The following NAALADL2 variants were observed in gnomAD, a reference collection of about 807,000 sequenced individuals.
NAALADL2 encodes N-acetylated alpha-linked acidic dipeptidase like 2.
In NAALADL2, 76 loss-of-function variants were observed where a neutral mutation model predicts 87.2. The ratio of observed to expected loss-of-function variants is 0.87; its 90% confidence interval spans 0.72 to 1.05. The LOEUF (loss-of-function observed/expected upper bound fraction) is 1.05, where lower values mean the gene tolerates loss of function less well. Ranked by LOEUF, NAALADL2 falls within the 50% of genes least tolerant of loss-of-function variation. The pLI is 0.00. For missense variants in NAALADL2, 1,089 were observed against 945.8 expected (o/e 1.15, Z -1.99); for synonymous variants, 354 against 331.0 (o/e 1.07, Z -0.75).
intron 9 of NAALADL2, among the ~76,000 whole-genome samples, chr3:175,540,175 G>A (rs1395612383): frequency 6.6e-6 from 1 of 152,176 alleles, no homozygotes; most frequent in African/African-American, 2.4e-5. Context: ...GTGCTGTGAA[G>A]AAAAACAAAG....
intron 1 of NAALADL2, among the ~76,000 whole-genome samples, chr3:174,897,043 G>A (rs1005967175): frequency 4.6e-5 from 7 of 152,122 alleles, no homozygotes; most frequent in Non-Finnish European, 1.0e-4. Context: ...TTAAATCTAA[G>A]ACTTTAAACT....
chr3:175,182,550 G>GTTTTTTTT lies in NAALADL2; in HGVS notation c.546-51360_546-51353dup, dbSNP rs1161831796. On this transcript the variant is annotated intron_variant, in intron 2 of 13. Coordinates refer to ENST00000454872, the MANE Select transcript of NAALADL2 (RefSeq NM_207015.3). ...CTATAAGTCCATGACACCACAGCCA[G>GTTTTTTTT]TTTTTTTTTTTTTTTTTTTTTTTTT... Among the ~76,000 whole-genome samples the GTTTTTTTT allele has an allele frequency of 1.2e-3, 80 of 69,472 alleles. 4 individuals are homozygous for GTTTTTTTT. The highest frequency in any genetic ancestry group is 2.7e-3 in the African/African-American group (46 of 16,728). 45.6% of individuals were successfully genotyped at this position (69,472 alleles called of 152,430 possible). A position where few individuals can be genotyped will look rare whatever the true frequency, so the allele number is the denominator to read the frequency against.
At chr3:175,373,536 T>C (rs1766757452) in intron 5 of NAALADL2, among the ~76,000 whole-genome samples, 1 of 152,220 alleles carries the variant, frequency 6.6e-6, no homozygotes, top group African/African-American at 2.4e-5. Context: ...TATTTTATGC[T>C]CATATCAGTT....
At chr3:175,262,840 T>C (rs2109916677) in intron 4 of NAALADL2, among the ~76,000 whole-genome samples, 1 of 152,016 alleles carries the variant, frequency 6.6e-6, no homozygotes, top group South Asian at 2.1e-4. Context: ...ATGATCTGTA[T>C]AGGAAGGCAA....
intron 1 of NAALADL2, among the ~76,000 whole-genome samples, chr3:174,897,442 G>C (rs1038666322): frequency 6.7e-6 from 1 of 149,934 alleles, no homozygotes; most frequent in East Asian, 1.9e-4. Context: ...TTGATCATTA[G>C]AGAGGTGAAA....
intron 2 of NAALADL2, among the ~76,000 whole-genome samples, chr3:175,150,630 T>C (rs957197444): frequency 2.0e-5 from 3 of 152,182 alleles, no homozygotes; most frequent in Non-Finnish European, 4.4e-5. Flanking sequence ...TCATTTGTCA[T>C]AACTAATGGG....
intron 12 of NAALADL2, among the ~76,000 whole-genome samples, chr3:175,741,610 G>A (rs1745247815): frequency 6.6e-6 from 1 of 151,818 alleles, no homozygotes; most frequent in Non-Finnish European, 1.5e-5. Context: ...GGGTAAGAAA[G>A]TGAAAAACCA....
At chr3:174,725,008 G>A (rs556420809) in intron 2 of NAALADL2, among the ~76,000 whole-genome samples, 6 of 152,288 alleles carry the variant, frequency 3.9e-5, no homozygotes, top group African/African-American at 1.2e-4. Flanking sequence ...ATTCATGGAG[G>A]TAGTTTCAGC....
chr3:174,844,801 G>T (rs1400225898), intron 3 of NAALADL2, among the ~76,000 whole-genome samples: 1 of 115,804 alleles, frequency 8.6e-6, no homozygotes, highest in Non-Finnish European at 1.8e-5. Context: ...TTTTTATCCT[G>T]CAATTTTAAT....
At chr3:175,077,363 G>A (rs1298976114) in intron 1 of NAALADL2, among the ~76,000 whole-genome samples, 1 of 152,132 alleles carries the variant, frequency 6.6e-6, no homozygotes, top group Non-Finnish European at 1.5e-5. Context: ...AAGCAGAAAG[G>A]AAAACAACAA....
At chr3:174,818,729 T>C (rs1455762548) in intron 3 of NAALADL2, among the ~76,000 whole-genome samples, 3 of 152,072 alleles carry the variant, frequency 2.0e-5, no homozygotes, top group African/African-American at 4.8e-5. Flanking sequence ...TTCCCATTGA[T>C]AGTGCACACT....
intron 2 of NAALADL2, among the ~76,000 whole-genome samples, chr3:175,128,691 C>T (rs893702920): frequency 7.2e-5 from 11 of 152,090 alleles, no homozygotes; most frequent in Non-Finnish European, 1.5e-4. Context: ...TGTTATAAAG[C>T]TCCAGTGCAT....
intron 1 of NAALADL2, among the ~76,000 whole-genome samples, chr3:174,940,243 C>T (rs796796440): frequency 2.0e-5 from 3 of 152,116 alleles, no homozygotes; most frequent in African/African-American, 7.2e-5. Context: ...TTTTCAAAAG[C>T]CTTTTATGCA....
chr3:175,733,153 A>G (rs1223463471), intron 11 of NAALADL2, among the ~76,000 whole-genome samples: 1 of 152,200 alleles, frequency 6.6e-6, no homozygotes, highest in Non-Finnish European at 1.5e-5. Flanking sequence ...TATATTTTTT[A>G]CGACTTGAAT....
chr3:175,544,345 A>G (rs1712917111), intron 9 of NAALADL2, among the ~76,000 whole-genome samples: 1 of 152,212 alleles, frequency 6.6e-6, no homozygotes. Context: ...TTATTGGCTT[A>G]CAGCTTTACC....
intron 4 of NAALADL2, among the ~76,000 whole-genome samples, chr3:175,279,314 C>T (rs1047933591): frequency 5.9e-5 from 9 of 152,100 alleles, no homozygotes; most frequent in African/African-American, 1.4e-4. Context: ...ATTCTAGCAA[C>T]GGCTCTAGGA....
intron 9 of NAALADL2, among the ~76,000 whole-genome samples, chr3:175,514,629 A>C (rs1731601875): frequency 6.6e-6 from 1 of 152,148 alleles, no homozygotes; most frequent in South Asian, 2.1e-4. Context: ...ATATGGAGAA[A>C]AGTGCAGGAA....
chr3:175,759,219 T>C (rs994817006), intron 13 of NAALADL2, among the ~76,000 whole-genome samples: 1 of 152,116 alleles, frequency 6.6e-6, no homozygotes. Flanking sequence ...ATTCAAGAGC[T>C]AAAATACATA....
At chr3:175,434,566 A>C (rs1399333053) in intron 5 of NAALADL2, among the ~76,000 whole-genome samples, 1 of 152,100 alleles carries the variant, frequency 6.6e-6, no homozygotes, top group South Asian at 2.1e-4. Flanking sequence ...CTGTCTGTTC[A>C]TTTAATCAGT....
Sources: gnomAD v4.1 joint callset for allele counts (sites outside exome capture counted in the v4.1 genomes callset) on GRCh38, gnomAD v4.1.1 for gene constraint, MANE v1.5 for transcripts, NCBI Gene and HGNC (gene_info 2026-07-23, HGNC 2026-07-21) for gene names.